ULK2: variants seen among roughly 807,000 people sequenced by gnomAD.
The protein encoded by ULK2 is serine/threonine-protein kinase ULK2.
Under a neutral mutation model 127.5 loss-of-function variants are expected in ULK2, and 76 were observed. The ratio of observed to expected loss-of-function variants is 0.60; its 90% confidence interval spans 0.50 to 0.72. The LOEUF (loss-of-function observed/expected upper bound fraction) is 0.72. Among genes scored for constraint, ULK2 ranks in the 30% least tolerant of loss-of-function variants. The pLI, the probability that ULK2 is intolerant of heterozygous loss-of-function variation, is 0.00. For missense variants in ULK2, 1,144 were observed against 1,295.9 expected (o/e 0.88, Z 1.80); for synonymous variants, 452 against 461.9 (o/e 0.98, Z 0.28).
At chr17:19,803,540 C>A (rs1478823219) in intron 15 of ULK2, among the ~76,000 whole-genome samples, 1 of 152,076 alleles carries the variant, frequency 6.6e-6, no homozygotes, top group African/African-American at 2.4e-5. Context: ...CCTCATGGAC[C>A]CTCTGAAGGG....
intron 8 of ULK2, among the ~76,000 whole-genome samples, chr17:19,842,862 T>C (rs1178570125): frequency 6.6e-6 from 1 of 152,058 alleles, no homozygotes; most frequent in Non-Finnish European, 1.5e-5. Flanking sequence ...TCACACCCAT[T>C]TCCCACCAGG....
At chr17:19,858,421 T>C (rs975606885) in intron 3 of ULK2, among the ~76,000 whole-genome samples, 1 of 151,374 alleles carries the variant, frequency 6.6e-6, no homozygotes, top group Non-Finnish European at 1.5e-5. Flanking sequence ...AAAAAAGAAA[T>C]AGTAACTATT....
At chr17:19,861,325 T>C (rs528099300) in intron 3 of ULK2, among the ~76,000 whole-genome samples, 7 of 152,230 alleles carry the variant, frequency 4.6e-5, no homozygotes, top group African/African-American at 1.7e-4. Flanking sequence ...GGTGGGCGGA[T>C]CACGAGGTCA....
intron 3 of ULK2, among the ~76,000 whole-genome samples, chr17:19,857,519 C>T (rs2042159785): frequency 6.6e-6 from 1 of 151,846 alleles, no homozygotes; most frequent in African/African-American, 2.4e-5. Context: ...AATGGTGTTC[C>T]AATTCTATTT....
At chr17:19,780,776 A>G (rs1597703635) in intron 24 of ULK2, 147 bp from the exon 25 acceptor site, 3 of 1,043,612 alleles carry the variant, frequency 2.9e-6, no homozygotes, top group Non-Finnish European at 4.1e-6. Context: ...TTTTCATGTT[A>G]TCTCTTTCAA....
rs751603336 is a variant in ULK2, at chr17:19,838,486, A to G, written c.787+15T>C. ...TAAAATTAGAAAACATGCAAAAGTT[A>G]AAACTATTTCTTACCAAAGTCCATT... On this transcript the variant is annotated intron_variant, in intron 10 of 26. Transcript: ENST00000395544. The G allele has an allele frequency of 6.3e-7, 1 of 1,595,488 alleles. No individual in the cohort carries two copies.
At chr17:19,783,586 T>A (rs1002411604) in intron 22 of ULK2, 111 bp downstream of exon 22, 3 of 1,143,942 alleles carry the variant, frequency 2.6e-6, no homozygotes. Context: ...AAAAGGCACG[T>A]TAAAGAGAAC....
At chr17:19,845,659 T>C (rs984246734) in intron 6 of ULK2, among the ~76,000 whole-genome samples, 1 of 152,162 alleles carries the variant, frequency 6.6e-6, no homozygotes, top group Admixed American at 6.6e-5. Flanking sequence ...AGCTCATTAA[T>C]ACAGTTTTCA....
chr17:19,850,783 G>A (rs901445138), intron 3 of ULK2, among the ~76,000 whole-genome samples: 1 of 151,870 alleles, frequency 6.6e-6, no homozygotes, highest in Non-Finnish European at 1.5e-5. Context: ...CGAGATCATC[G>A]AGATCATGCC....
chr17:19,782,941 A>AAC (rs1429003267), intron 22 of ULK2, among the ~76,000 whole-genome samples: 1 of 149,918 alleles, frequency 6.7e-6, no homozygotes, highest in East Asian at 2.0e-4. Flanking sequence ...CAAACAAACA[A>AAC]ATAAATAAAT....
chr17:19,801,655 T>G, intron 16 of ULK2, 122 bp downstream of exon 16: 1 of 1,278,742 alleles, frequency 7.8e-7, no homozygotes, highest in Non-Finnish European at 1.1e-6. Flanking sequence ...GGACGGGGTA[T>G]GGCCTCCAAT....
chr17:19,830,147 C>T (rs2041402075), intron 10 of ULK2, among the ~76,000 whole-genome samples: 2 of 152,118 alleles, frequency 1.3e-5, no homozygotes, highest in Non-Finnish European at 2.9e-5. Context: ...CTCAAGTACA[C>T]ATGGGACATT....
At chr17:19,800,328 G>C (rs2087371493) in intron 16 of ULK2, among the ~76,000 whole-genome samples, 1 of 152,164 alleles carries the variant, frequency 6.6e-6, no homozygotes, top group African/African-American at 2.4e-5. Context: ...GAGAGTTAGG[G>C]AAGGCTTCAG....
At chr17:19,858,912 G>C (rs900018001) in intron 3 of ULK2, among the ~76,000 whole-genome samples, 10 of 152,118 alleles carry the variant, frequency 6.6e-5, no homozygotes, top group African/African-American at 2.2e-4. Context: ...AGAGGTTGCA[G>C]TGAGCCAGGA....
intron 17 of ULK2, among the ~76,000 whole-genome samples, chr17:19,797,957 G>A (rs900587619): frequency 1.3e-5 from 2 of 152,014 alleles, no homozygotes; most frequent in Admixed American, 1.3e-4. Flanking sequence ...TTAATGCAAG[G>A]TCTGACTAGC....
At chr17:19,800,120 G>T (rs1395148559) in intron 16 of ULK2, among the ~76,000 whole-genome samples, 2 of 152,182 alleles carry the variant, frequency 1.3e-5, no homozygotes, top group African/African-American at 4.8e-5. Context: ...CACAGTCTGA[G>T]ACTCTTCCTG....
At chr17:19,863,423 T>C (rs2042284786) in intron 3 of ULK2, among the ~76,000 whole-genome samples, 1 of 151,646 alleles carries the variant, frequency 6.6e-6, no homozygotes, top group African/African-American at 2.4e-5. Context: ...AAAACCAGAA[T>C]CTGCTATTCC....
intron 3 of ULK2, among the ~76,000 whole-genome samples, chr17:19,864,422 C>A (rs1328476058): frequency 6.6e-6 from 1 of 151,864 alleles, no homozygotes; most frequent in African/African-American, 2.4e-5. Context: ...TTGCAGTGAG[C>A]CGAGATCAAG....
At chr17:19,800,790 T>C (rs1472471603) in intron 16 of ULK2, among the ~76,000 whole-genome samples, 1 of 152,140 alleles carries the variant, frequency 6.6e-6, no homozygotes, top group Non-Finnish European at 1.5e-5. Flanking sequence ...CCCCAGGCCC[T>C]GCGTGCACCA....
Sources: gnomAD v4.1 joint callset for allele counts (sites outside exome capture counted in the v4.1 genomes callset) on GRCh38, gnomAD v4.1.1 for gene constraint, MANE v1.5 for transcripts, NCBI Gene and HGNC (gene_info 2026-07-23, HGNC 2026-07-21) for gene names.